Variants in FHIT observed in about 807,000 individuals in gnomAD.
FHIT encodes the protein fragile histidine triad diadenosine triphosphatase.
Under a neutral mutation model 17.9 loss-of-function variants are expected in FHIT, and 19 were observed. That is an observed-to-expected ratio of 1.06 (90% CI 0.74 to 1.56). FHIT has a LOEUF of 1.56. Among genes scored for constraint, FHIT ranks in the 40% most tolerant of loss-of-function variants. The probability of loss-of-function intolerance (pLI) is 0.00; values close to 1 mark genes in which losing one functional copy is unlikely to be tolerated. For missense variants in FHIT, 248 were observed against 189.2 expected (o/e 1.31, Z -1.82); for synonymous variants, 81 against 69.7 (o/e 1.16, Z -0.81).
chr3:60,486,016 T>C (rs1333398732), intron 5 of FHIT, among the ~76,000 whole-genome samples: 2 of 152,144 alleles, frequency 1.3e-5, no homozygotes, highest in African/African-American at 4.8e-5. Flanking sequence ...AAGACTATAT[T>C]GATCAGCATG....
chr3:61,204,593 T>G (rs1276249479), intron 1 of FHIT, among the ~76,000 whole-genome samples: 1 of 152,136 alleles, frequency 6.6e-6, no homozygotes, highest in Non-Finnish European at 1.5e-5. Flanking sequence ...TCCAGCTGTG[T>G]CAGGAATCAG....
At chr3:60,193,985 A>G (rs1298701228) in intron 5 of FHIT, among the ~76,000 whole-genome samples, 1 of 152,248 alleles carries the variant, frequency 6.6e-6, no homozygotes, top group African/African-American at 2.4e-5. Context: ...ATGGATTGGA[A>G]GAATATCATG....
chr3:60,363,428 G>A (rs933139223), intron 5 of FHIT, among the ~76,000 whole-genome samples: 4 of 152,102 alleles, frequency 2.6e-5, no homozygotes, highest in African/African-American at 9.7e-5. Context: ...ACAATGTATT[G>A]AGCACATAAC....
intron 5 of FHIT, among the ~76,000 whole-genome samples, chr3:60,258,885 G>A (rs1341847759): frequency 2.0e-5 from 3 of 152,084 alleles, no homozygotes; most frequent in African/African-American, 7.2e-5. Flanking sequence ...TATCTTCAGA[G>A]ATAAGGATGT....
intron 4 of FHIT, among the ~76,000 whole-genome samples, chr3:60,706,686 A>C (rs2041381651): frequency 6.6e-6 from 1 of 152,146 alleles, no homozygotes; most frequent in South Asian, 2.1e-4. Context: ...AAATATTTCT[A>C]TTTCCATTCC....
intron 2 of FHIT, among the ~76,000 whole-genome samples, chr3:61,073,812 G>T (rs558723082): frequency 2.4e-4 from 37 of 152,262 alleles, no homozygotes; most frequent in Middle Eastern, 6.8e-3. Context: ...AATAATAGAG[G>T]CTGAAGCAGA....
At chr3:60,204,853 T>A (rs773439640) in intron 5 of FHIT, among the ~76,000 whole-genome samples, 21 of 152,070 alleles carry the variant, frequency 1.4e-4, no homozygotes, top group Non-Finnish European at 2.9e-4. Context: ...AAAAGTACAT[T>A]TTCTTAAATC....
intron 7 of FHIT, among the ~76,000 whole-genome samples, chr3:59,977,047 T>C (rs1431475848): frequency 6.6e-6 from 1 of 152,094 alleles, no homozygotes; most frequent in Non-Finnish European, 1.5e-5. Context: ...GGTGAAATTA[T>C]CTTGGAATGT....
chr3:60,089,929 C>T (rs182733373), intron 5 of FHIT, among the ~76,000 whole-genome samples: 3 of 152,058 alleles, frequency 2.0e-5, no homozygotes, highest in African/African-American at 4.8e-5. Context: ...GACAGAATAA[C>T]GAATATATAT....
chr3:60,818,507 C>G (rs1185008732), intron 4 of FHIT, among the ~76,000 whole-genome samples: 4 of 152,134 alleles, frequency 2.6e-5, no homozygotes, highest in Admixed American at 6.5e-5. Flanking sequence ...CAAGAATATA[C>G]ACATGACATA....
At chr3:60,560,451 G>C (rs1286671109) in intron 4 of FHIT, among the ~76,000 whole-genome samples, 1 of 152,014 alleles carries the variant, frequency 6.6e-6, no homozygotes, top group African/African-American at 2.4e-5. Flanking sequence ...TTCATGAATG[G>C]CTACTAGGCA....
At chr3:59,934,408 C>A (rs1163470363) in intron 7 of FHIT, among the ~76,000 whole-genome samples, 1 of 152,094 alleles carries the variant, frequency 6.6e-6, no homozygotes, top group Non-Finnish European at 1.5e-5. Context: ...TGACAGTAAG[C>A]TCTTCTGCAA....
intron 4 of FHIT, among the ~76,000 whole-genome samples, chr3:60,717,647 C>G (rs1480026415): frequency 6.6e-6 from 1 of 152,168 alleles, no homozygotes; most frequent in Non-Finnish European, 1.5e-5. Flanking sequence ...ATATGTGAAT[C>G]TTGGTTATAG....
intron 5 of FHIT, among the ~76,000 whole-genome samples, chr3:60,318,968 T>C (rs903660458): frequency 2.0e-5 from 3 of 152,094 alleles, no homozygotes; most frequent in African/African-American, 7.2e-5. Context: ...AAGTGCATCC[T>C]CCAGTTTCCG....
chr3:60,922,993 G>C (rs887505705), intron 3 of FHIT, among the ~76,000 whole-genome samples: 1 of 152,140 alleles, frequency 6.6e-6, no homozygotes, highest in Non-Finnish European at 1.5e-5. Flanking sequence ...AAGCAAATAC[G>C]CAGTAAACAT....
chr3:59,773,915 G>C (rs946165520), intron 8 of FHIT, among the ~76,000 whole-genome samples: 3 of 152,148 alleles, frequency 2.0e-5, no homozygotes, highest in African/African-American at 7.2e-5. Flanking sequence ...AGGAGACACT[G>C]TGAAAAAGAC....
At chr3:61,056,964 T>C (rs537373128) in intron 2 of FHIT, among the ~76,000 whole-genome samples, 20 of 152,310 alleles carry the variant, frequency 1.3e-4, no homozygotes, top group Admixed American at 1.0e-3. Context: ...AAATAATGTG[T>C]TTGTGCCTCA....
chr3:60,363,570 C>T (rs1559854288), intron 5 of FHIT, among the ~76,000 whole-genome samples: 2 of 152,116 alleles, frequency 1.3e-5, no homozygotes, highest in Admixed American at 6.6e-5. Context: ...GTGGTTACAT[C>T]ATTTTTCCAA....
At chr3:60,783,358 G>A (rs1234715560) in intron 4 of FHIT, among the ~76,000 whole-genome samples, 2 of 152,264 alleles carry the variant, frequency 1.3e-5, no homozygotes, top group Non-Finnish European at 2.9e-5. Flanking sequence ...GTTTAACATA[G>A]CCCACAGTCT....
Sources: gnomAD v4.1 joint callset for allele counts (sites outside exome capture counted in the v4.1 genomes callset) on GRCh38, gnomAD v4.1.1 for gene constraint, MANE v1.5 for transcripts, NCBI Gene and HGNC (gene_info 2026-07-23, HGNC 2026-07-21) for gene names.